Variants in HTT observed in about 807,000 individuals in gnomAD.
The protein encoded by HTT is huntington disease protein.
A neutral mutation model predicts 362.3 loss-of-function variants in HTT; 104 were observed. That is an observed-to-expected ratio of 0.29 (90% CI 0.24 to 0.34). The LOEUF (loss-of-function observed/expected upper bound fraction) is 0.34. Ranked by LOEUF, HTT falls within the 10% of genes least tolerant of loss-of-function variation. HTT has a pLI of 1.00. For missense variants in HTT, 3,301 were observed against 3,928.6 expected (o/e 0.84, Z 4.27); for synonymous variants, 1,577 against 1,548.7 (o/e 1.02, Z -0.43).
Position 3,206,656 on chromosome 4 carries a change from G to T in HTT, c.5879G>T (p.Arg1960Leu). ...SGLFIQAIQS[R>L]CENLSTPTML... ...CTGTTCATCCAGGCAATTCAGTCTC[G>T]TTGTGAAAACCTTTCAACTGTACGT... Residue 1960 changes from arginine to leucine, a missense_variant, in exon 43 of 67, where the codon CGT becomes CTT. By Grantham distance (102) the Arg-to-Leu change is moderately radical. This residue lies in a region of HTT where 2,316 missense variants were observed against 2,658.5 expected (regional missense o/e 0.87). Transcript: ENST00000355072. The surrounding 1 kb of genome is among the most constrained non-coding windows in gnomAD (Gnocchi z 4.6). 1 of 1,614,158 alleles carries T rather than the reference G, an allele frequency of 6.2e-7. No homozygotes were observed. The highest frequency in any genetic ancestry group is 8.5e-7 in the Non-Finnish European group (1 of 1,180,030).
intron 7 of HTT, 69 bp from the exon 8 acceptor site, chr4:3,116,016 T>A: frequency 2.1e-6 from 3 of 1,410,572 alleles, no homozygotes; most frequent in Non-Finnish European, 3.0e-6. Flanking sequence ...TCTTCTTTTT[T>A]AACAGATTAA....
At chr4:3,105,541 A>G in intron 5 of HTT, 105 bp downstream of exon 5, 2 of 791,562 alleles carry the variant, frequency 2.5e-6, no homozygotes, top group South Asian at 2.9e-5. Flanking sequence ...TGCCCTCTCC[A>G]AATTGCAGTC....
intron 2 of HTT, among the ~76,000 whole-genome samples, chr4:3,098,342 A>G (rs779524875): frequency 2.0e-5 from 3 of 152,200 alleles, no homozygotes; most frequent in Admixed American, 6.5e-5. Context: ...ATTGTTTGCA[A>G]TTTTTACCTA....
chr4:3,189,994 C>A (rs554430047), intron 40 of HTT, among the ~76,000 whole-genome samples: 1 of 152,136 alleles, frequency 6.6e-6, no homozygotes, highest in East Asian at 1.9e-4. Context: ...CCAGCCTCGG[C>A]TATAGAGTAA....
chr4:3,221,681 C>G (rs1339205364), intron 53 of HTT, among the ~76,000 whole-genome samples: 1 of 152,190 alleles, frequency 6.6e-6, no homozygotes, highest in Non-Finnish European at 1.5e-5. Context: ...GCGTGGCTGC[C>G]TCAGACATCA....
intron 36 of HTT, 64 bp from the exon 37 acceptor site, chr4:3,182,290 G>A (rs1382917265): frequency 9.2e-6 from 9 of 977,428 alleles, no homozygotes; most frequent in South Asian, 4.1e-5. Flanking sequence ...TATAACAGAC[G>A]GACACGTAGG....
In HTT at chr4:3,107,366, A is replaced by G. The variant is rs756287335; in HGVS notation, c.690A>G (p.Ala230=). Residue 230 remains alanine (A), a synonymous_variant, in exon 6 of 67, where the codon GCA becomes GCG. Coordinates refer to ENST00000355072, the MANE Select transcript of HTT (RefSeq NM_001388492.1). ...PEESVQETLA[A]AVPKIMASFG... The stretch of plus-strand genomic sequence containing the variant: ...AATCAGTCCAGGAGACCTTGGCTGC[A>G]GCTGTTCCCAAAATTATGGCTTCTT... The G allele has an allele frequency of 6.2e-7, 1 of 1,614,244 alleles. No homozygotes were observed. Among genetic ancestry groups the G allele is most frequent in the Non-Finnish European group, 8.5e-7 (1 of 1,180,032 alleles).
chr4:3,212,929 C>T, intron 49 of HTT: 1 of 550,202 alleles, frequency 1.8e-6, no homozygotes, highest in Non-Finnish European at 3.3e-6. Flanking sequence ...TCAGCCAGGT[C>T]CCCTTCTCAT....
intron 27 of HTT, 97 bp from the exon 28 acceptor site, chr4:3,156,975 A>G (rs1003767545): frequency 4.1e-6 from 4 of 983,482 alleles, no homozygotes; most frequent in African/African-American, 1.6e-5. Context: ...TTTTCATACT[A>G]GAATACTTTA....
At chr4:3,233,114 G>A in intron 60 of HTT, 49 bp from the exon 61 acceptor site, 2 of 1,498,058 alleles carry the variant, frequency 1.3e-6, no homozygotes, top group Non-Finnish European at 1.8e-6. Flanking sequence ...GGAGCCACTG[G>A]GACGTGAGCT....
chr4:3,148,406 C>T (rs988593877), intron 26 of HTT, among the ~76,000 whole-genome samples, 199 bp downstream of exon 26: 1 of 152,134 alleles, frequency 6.6e-6, no homozygotes, highest in South Asian at 2.1e-4. Flanking sequence ...TATTCCAGCA[C>T]TTTGGGAGAC....
intron 26 of HTT, among the ~76,000 whole-genome samples, chr4:3,151,063 A>T (rs1024335106): frequency 6.6e-6 from 1 of 152,070 alleles, no homozygotes; most frequent in Admixed American, 6.5e-5. Context: ...ACAAAAAAAA[A>T]AAAAACCAGG....
At chr4:3,233,092 C>G in intron 60 of HTT, 71 bp from the exon 61 acceptor site, 1 of 1,343,990 alleles carries the variant, frequency 7.4e-7, no homozygotes, top group Non-Finnish European at 1.0e-6. Flanking sequence ...GCCCCCGCCT[C>G]GGCTGTGGGG....
intron 8 of HTT, 118 bp from the exon 9 acceptor site, chr4:3,121,110 G>A: frequency 1.6e-6 from 1 of 640,842 alleles, no homozygotes; most frequent in East Asian, 2.7e-5. Flanking sequence ...AAATATTTAG[G>A]GGGAGAAGTT....
Position 3,213,961 on chromosome 4 carries a change from C to T in HTT, c.6778C>T (p.Leu2260=), listed in dbSNP as rs746271452. The T allele has an allele frequency of 1.9e-6, 3 of 1,553,664 alleles. No individual in the cohort carries two copies. Among genetic ancestry groups the T allele is most frequent in the Middle Eastern group, 1.7e-4 (1 of 5,848 alleles). The part of the protein sequence containing the change: ...VKFVVATLEA[L]SWHLIHEQIP... ...GTGACTCGGTACTTCCCTTTAGGCC[C>T]TGTCCTGGCATTTGATCCATGAGCA... Residue 2260 remains leucine, a synonymous_variant, in exon 50 of 67, where the codon CTG becomes TTG. Coordinates refer to ENST00000355072, the MANE Select transcript of HTT (RefSeq NM_001388492.1).
chr4:3,147,762 A>G (rs1716678691), intron 25 of HTT, among the ~76,000 whole-genome samples: 1 of 152,192 alleles, frequency 6.6e-6, no homozygotes, highest in Non-Finnish European at 1.5e-5. Context: ...TTGTGAAGAC[A>G]AAGAAACCTG....
rs1406304135 is a variant in HTT, at chr4:3,239,913, G to A, written c.9283G>A (p.Ala3095Thr). Reference sequence around the variant, plus strand: ...GGACGTGAACCTTTTCTGCCTGGTCGCCACAGACTTCTACAGACACCAGAT... The same window carrying A: ...GGACGTGAACCTTTTCTGCCTGGTCACCACAGACTTCTACAGACACCAGAT... ...QVDVNLFCLV[A>T]TDFYRHQIEE... The change falls in exon 67 of 67, where the codon GCC (alanine) becomes ACC (threonine). Residue 3095 changes from alanine (A) to threonine (T), a missense_variant. Ala to Thr is a moderately conservative substitution (Grantham distance 58). Coordinates refer to ENST00000355072, the MANE Select transcript of HTT (RefSeq NM_001388492.1). 7 of 1,575,968 alleles carry A rather than the reference G, an allele frequency of 4.4e-6. No homozygotes were observed. The highest frequency in any genetic ancestry group is 3.4e-6 in the Non-Finnish European group (4 of 1,159,716).
intron 2 of HTT, among the ~76,000 whole-genome samples, chr4:3,093,905 G>GTTTTTTTTTTTTTTTTTTT (rs67455911): frequency 4.2e-5 from 1 of 23,900 alleles, no homozygotes; most frequent in African/African-American, 1.5e-4. Flanking sequence ...CTTTAAGTTG[G>GTTTTTTTTTTTTTTTTTTT]TTTTTTTTTT....
Position 3,206,393 on chromosome 4 carries a change from G to T in HTT, c.5719-103G>T, listed in dbSNP as rs781643420. On this transcript the variant is annotated intron_variant, in intron 42 of 66. Transcript: ENST00000355072. This position sits in a 1 kb window ranked among gnomAD's most constrained non-coding sequence, Gnocchi z 4.6. ...TATTTTTAGTGAGGTTTATATTTGG[G>T]ATGTGTTTTCTCCTTCTTACCCTTT... 1.4e-5 allele frequency: 11 copies of T among 812,238 alleles called. No individual in the cohort carries two copies. Among genetic ancestry groups the T allele is most frequent in the Non-Finnish European group, 2.0e-5 (10 of 489,676 alleles). The allele number at this position is 812,238 out of a possible 1,614,324, so 50.3% of individuals were successfully genotyped here. A position where few individuals can be genotyped will look rare whatever the true frequency, so the allele number is the denominator to read the frequency against.
Sources: gnomAD v4.1 joint callset for allele counts (sites outside exome capture counted in the v4.1 genomes callset) on GRCh38, gnomAD v4.1.1 for gene constraint, gnomAD v4.1.1 regional missense constraint, Gnocchi (gnomAD v3.1) non-coding constraint, MANE v1.5 for transcripts, NCBI Gene and HGNC (gene_info 2026-07-23, HGNC 2026-07-21) for gene names.